Variants in RGS7 observed in about 807,000 individuals in gnomAD.
RGS7 encodes regulator of G-protein signaling 7.
In RGS7, 27 loss-of-function variants were observed where a neutral mutation model predicts 81.1. The observed-to-expected ratio is 0.33, with a 90% CI of 0.25 to 0.46. The LOEUF (loss-of-function observed/expected upper bound fraction) is 0.46, where lower values mean the gene tolerates loss of function less well. RGS7 is among the 20% of genes least tolerant of loss of function. The pLI is 1.00. For missense variants in RGS7, 396 were observed against 607.4 expected, an observed-to-expected ratio of 0.65 and a Z score of 3.66; for synonymous variants, 208 against 207.7, an observed-to-expected ratio of 1.00 and a Z score of -0.01.
intron 3 of RGS7, among the ~76,000 whole-genome samples, chr1:241,053,093 A>G (rs79793274): frequency 0.033 from 4,975 of 152,268 alleles, 80 homozygotes; most frequent in Middle Eastern, 0.061. Flanking sequence ...ACTTTCAGGA[A>G]TAAAATGAAG....
At chr1:241,098,214 T>G (rs987433225) in intron 3 of RGS7, among the ~76,000 whole-genome samples, 1 of 152,172 alleles carries the variant, frequency 6.6e-6, no homozygotes, top group African/African-American at 2.4e-5. Flanking sequence ...CACTGTCGAG[T>G]TCGGTGAGCA....
intron 3 of RGS7, among the ~76,000 whole-genome samples, chr1:241,030,884 G>A (rs749289398): frequency 1.3e-5 from 2 of 152,188 alleles, no homozygotes; most frequent in Admixed American, 6.6e-5. Context: ...AACTGGGCCA[G>A]TCCAAGTGAC....
chr1:240,871,039 C>A (rs1203284816), intron 6 of RGS7, among the ~76,000 whole-genome samples: 1 of 152,192 alleles, frequency 6.6e-6, no homozygotes, highest in Admixed American at 6.5e-5. Flanking sequence ...GTGGTGACAG[C>A]AGTGTTGCAA....
At chr1:241,066,358 C>T (rs953398736) in intron 3 of RGS7, among the ~76,000 whole-genome samples, 7 of 152,182 alleles carry the variant, frequency 4.6e-5, no homozygotes, top group African/African-American at 1.7e-4. Context: ...AAAGGTGACC[C>T]TTCCAGCTCA....
chr1:241,312,833 C>G (rs766837827), intron 2 of RGS7, among the ~76,000 whole-genome samples: 3 of 148,438 alleles, frequency 2.0e-5, no homozygotes, highest in Admixed American at 6.8e-5. Context: ...ATGTAGAAAG[C>G]TAAGATAAGC....
chr1:240,824,087 A>G (rs1692336746), intron 10 of RGS7, among the ~76,000 whole-genome samples: 1 of 152,226 alleles, frequency 6.6e-6, no homozygotes, highest in African/African-American at 2.4e-5. Flanking sequence ...GACTAATTTT[A>G]GATTCTTAAC....
intron 2 of RGS7, among the ~76,000 whole-genome samples, chr1:241,331,623 T>C (rs1398738464): frequency 1.3e-5 from 2 of 152,356 alleles, no homozygotes; most frequent in African/African-American, 4.8e-5. Flanking sequence ...TTACTCTAGT[T>C]CTGTATTTAC....
chr1:241,254,974 C>G (rs934040301), intron 2 of RGS7, among the ~76,000 whole-genome samples: 1 of 152,162 alleles, frequency 6.6e-6, no homozygotes, highest in Non-Finnish European at 1.5e-5. Context: ...AACCAACTAT[C>G]CTTCTACAGA....
At chr1:241,306,606 A>C (rs1381153556) in intron 2 of RGS7, among the ~76,000 whole-genome samples, 1 of 151,864 alleles carries the variant, frequency 6.6e-6, no homozygotes, top group Admixed American at 6.6e-5. Context: ...ACACCTTCAC[A>C]GGCATATATA....
intron 4 of RGS7, among the ~76,000 whole-genome samples, chr1:240,970,793 T>C (rs917981633): frequency 3.9e-5 from 6 of 152,142 alleles, no homozygotes; most frequent in South Asian, 2.1e-4. Flanking sequence ...AAGACCAGCC[T>C]GGCCAACATG....
chr1:241,114,061 A>C (rs57928348), intron 2 of RGS7, among the ~76,000 whole-genome samples: 23,372 of 152,108 alleles, frequency 0.15, 3,343 homozygotes, highest in African/African-American at 0.36. Flanking sequence ...AACTGAGTAT[A>C]CAGAGACAAT....
In RGS7 at chr1:240,800,731, T is replaced by C; in HGVS notation, c.1414-10A>G. On this transcript the variant is annotated splice_polypyrimidine_tract_variant and intron_variant, in intron 17 of 18. Transcript: ENST00000440928. ...TAGGGATGTTTCTGCCCTATAAAAA[T>C]AAATGTGTTGAAGGCTTTAGTTTGA... is the stretch of plus-strand genomic sequence containing the variant. 6.6e-7 allele frequency: 1 copy of C among 1,520,572 alleles called. No homozygotes were observed. Among genetic ancestry groups the C allele is most frequent in the Non-Finnish European group, 8.9e-7 (1 of 1,121,416 alleles). 94.2% of individuals were successfully genotyped at this position (1,520,572 alleles called of 1,614,324 possible).
intron 2 of RGS7, among the ~76,000 whole-genome samples, chr1:241,224,468 TG>T (rs1481878209): frequency 1.3e-5 from 2 of 152,146 alleles, no homozygotes. Context: ...GGTGTATATG[TG>T]GTACATTTTC....
At chr1:240,930,325 AC>A (rs576548825) in intron 6 of RGS7, among the ~76,000 whole-genome samples, 124 of 150,248 alleles carry the variant, frequency 8.3e-4, no homozygotes, top group African/African-American at 2.8e-3. Context: ...AGAAAAGCGG[AC>A]CCTTGGGACG....
intron 2 of RGS7, among the ~76,000 whole-genome samples, chr1:241,111,862 ACAATAAATGTAC>A (rs2065536702): frequency 6.6e-6 from 1 of 152,204 alleles, no homozygotes; most frequent in Non-Finnish European, 1.5e-5. Context: ...CTGACTGAAA[ACAATAAATGTAC>A]CCATTGTTGA....
At chr1:240,958,458 C>T (rs2616968) in intron 4 of RGS7, among the ~76,000 whole-genome samples, 20,947 of 152,104 alleles carry the variant, frequency 0.14, 1,773 homozygotes, top group African/African-American at 0.24. Flanking sequence ...TGGCTTTTGT[C>T]AGTGTGCTTG....
At chr1:241,281,651 A>G (rs1232796313) in intron 2 of RGS7, among the ~76,000 whole-genome samples, 1 of 152,248 alleles carries the variant, frequency 6.6e-6, no homozygotes, top group African/African-American at 2.4e-5. Flanking sequence ...TTGTAAACAG[A>G]CAACATAAAC....
chr1:240,777,412 C>T (rs1683157862), intron 18 of RGS7, among the ~76,000 whole-genome samples: 1 of 152,198 alleles, frequency 6.6e-6, no homozygotes, highest in South Asian at 2.1e-4. Context: ...TTGTACATCT[C>T]AGAAGATAAG....
intron 2 of RGS7, among the ~76,000 whole-genome samples, chr1:241,214,855 A>T (rs1279209714): frequency 6.6e-6 from 1 of 151,916 alleles, no homozygotes; most frequent in Non-Finnish European, 1.5e-5. Context: ...CATTTGCTTT[A>T]TTTTTAAATT....
Sources: gnomAD v4.1 joint callset for allele counts (sites outside exome capture counted in the v4.1 genomes callset) on GRCh38, gnomAD v4.1.1 for gene constraint, MANE v1.5 for transcripts, NCBI Gene and HGNC (gene_info 2026-07-23, HGNC 2026-07-21) for gene names.